Variants in PCDH11Y observed in about 807,000 individuals in gnomAD.
PCDH11Y encodes protocadherin 11 Y-linked.
For synonymous variants in PCDH11Y, 9 were observed against 83.6 expected, an observed-to-expected ratio of 0.11 and a Z score of 4.87; for missense variants, 12 against 224.8, an observed-to-expected ratio of 0.05 and a Z score of 6.05.
downstream of PCDH11Y, among the ~76,000 whole-genome samples, chrY:5,108,746 CA>C (rs1449970304): frequency 4.1e-4 from 1 of 2,413 alleles, no homozygotes; most frequent in Non-Finnish European, 8.5e-4. Flanking sequence ...GACTCCATCT[CA>C]AAAAAAAAAA....
chrY:5,022,636 AAG>A (rs2052571756), intron 1 of PCDH11Y, among the ~76,000 whole-genome samples: 2 of 31,189 alleles, frequency 6.4e-5, no homozygotes, highest in African/African-American at 1.3e-4. Flanking sequence ...AAAAAAAAAA[AAG>A]AGTTTATTAT....
At chrY:5,579,487 G>A (rs377121594) in intron 3 of PCDH11Y, among the ~76,000 whole-genome samples, 1 of 31,919 alleles carries the variant, frequency 3.1e-5, no homozygotes, top group Non-Finnish European at 7.7e-5. Flanking sequence ...CTAAACTATC[G>A]TTTTTAAATT....
At chrY:5,526,221 G>A in intron 3 of PCDH11Y, among the ~76,000 whole-genome samples, 1 of 32,356 alleles carries the variant, frequency 3.1e-5, no homozygotes, top group Non-Finnish European at 7.5e-5. Context: ...AAGAAGATTT[G>A]CAGTGCAAGC....
At chrY:5,360,608 G>C in intron 2 of PCDH11Y, among the ~76,000 whole-genome samples, 1 of 32,819 alleles carries the variant, frequency 3.0e-5, no homozygotes, top group African/African-American at 1.2e-4. Flanking sequence ...TCAATAATTG[G>C]TTTTCATTTG....
intron 2 of PCDH11Y, among the ~76,000 whole-genome samples, chrY:5,336,333 C>T (rs1602906608): frequency 8.4e-3 from 264 of 31,319 alleles, no homozygotes; most frequent in African/African-American, 0.03. Flanking sequence ...GTGCAGTGGC[C>T]GATCTCGGCT....
chrY:5,730,273 T>C, intron 4 of PCDH11Y, among the ~76,000 whole-genome samples: 1 of 32,919 alleles, frequency 3.0e-5, no homozygotes, highest in Non-Finnish European at 7.5e-5. Flanking sequence ...CTTTTTCATT[T>C]GTTTGTGTCA....
intron 2 of PCDH11Y, among the ~76,000 whole-genome samples, chrY:5,190,009 C>A (rs2052910432): frequency 3.0e-5 from 1 of 33,363 alleles, no homozygotes; most frequent in Non-Finnish European, 7.4e-5. Context: ...CTGTGTATCA[C>A]ACAATGTATT....
intron 1 of PCDH11Y, among the ~76,000 whole-genome samples, chrY:5,094,900 G>C (rs2124634480): frequency 1.8e-4 from 6 of 32,738 alleles, no homozygotes; most frequent in African/African-American, 7.1e-4. Context: ...TTGAGAGTTA[G>C]AAAAATATAT....
At chrY:5,064,640 T>A in intron 1 of PCDH11Y, among the ~76,000 whole-genome samples, 3 of 28,439 alleles carry the variant, frequency 1.1e-4, no homozygotes, top group African/African-American at 4.3e-4. Flanking sequence ...AAGAGGAAAG[T>A]ATTTATTTTA....
At chrY:5,411,477 CT>C (rs2053247467) in intron 2 of PCDH11Y, among the ~76,000 whole-genome samples, 1 of 31,963 alleles carries the variant, frequency 3.1e-5, no homozygotes, top group Non-Finnish European at 7.6e-5. Flanking sequence ...GTCGTAATTG[CT>C]TTTGATTTCT....
chrY:5,726,030 A>G, intron 4 of PCDH11Y, among the ~76,000 whole-genome samples: 1 of 32,500 alleles, frequency 3.1e-5, no homozygotes, highest in African/African-American at 1.2e-4. Flanking sequence ...TGCTGTAATA[A>G]AAAAGACAAA....
intron 2 of PCDH11Y, among the ~76,000 whole-genome samples, chrY:5,378,288 T>TACACAC (rs200306687): frequency 4.3e-5 from 1 of 23,348 alleles, no homozygotes; most frequent in Non-Finnish European, 9.7e-5. Context: ...AATAAATAAA[T>TACACAC]ACACACACAC....
chrY:5,599,540 ATT>A (rs2053470542), intron 4 of PCDH11Y, among the ~76,000 whole-genome samples: 1 of 33,340 alleles, frequency 3.0e-5, no homozygotes, highest in African/African-American at 1.2e-4. Flanking sequence ...CTCAATATAT[ATT>A]GGTTTCTCAT....
intron 2 of PCDH11Y, among the ~76,000 whole-genome samples, chrY:5,385,315 G>C: frequency 3.4e-5 from 1 of 29,253 alleles, no homozygotes; most frequent in East Asian, 9.1e-4. Flanking sequence ...CTTTCCCCCT[G>C]AGTCCCAAAG....
chrY:5,525,939 C>G (rs2053387221), intron 3 of PCDH11Y, among the ~76,000 whole-genome samples: 1 of 30,620 alleles, frequency 3.3e-5, no homozygotes, highest in South Asian at 7.6e-4. Flanking sequence ...GTCTCTCTCT[C>G]TCTCTGTGTG....
At position 5,084,812 on chromosome Y, in the gene PCDH11Y, A is replaced by G. The variant is rs2052726907; in HGVS notation, c.637-13403A>G. On this transcript the variant is annotated intron_variant, in intron 1 of 1. Coordinates refer to ENST00000215473, the Ensembl canonical transcript of PCDH11Y. ...TCTTGAAATTTACTCTGTTTGATAT[A>G]AGTATAGCTACACCTGCTCTTTTTT... Among the ~76,000 whole-genome samples, 6 of 33,073 alleles carry G rather than the reference A, an allele frequency of 1.8e-4. No homozygotes were observed. The East Asian group carries it at 4.7e-3, about 26-fold the overall frequency. 88.7% of individuals were successfully genotyped at this position (33,073 alleles called of 37,273 possible). A position where few individuals can be genotyped will look rare whatever the true frequency, so the allele number is the denominator to read the frequency against.
intron 2 of PCDH11Y, among the ~76,000 whole-genome samples, chrY:5,336,261 C>A: frequency 2.8e-4 from 9 of 32,129 alleles, no homozygotes; most frequent in Non-Finnish European, 5.3e-4. Context: ...GCTCATTTTT[C>A]TTTTATTTAT....
At chrY:5,555,322 G>C (rs2124694563) in intron 3 of PCDH11Y, among the ~76,000 whole-genome samples, 1 of 32,461 alleles carries the variant, frequency 3.1e-5, no homozygotes, top group East Asian at 8.3e-4. Context: ...ACACTCATAG[G>C]CAGAAGGGAC....
At chrY:5,207,613 C>A in intron 2 of PCDH11Y, 1 of 374,461 alleles carries the variant, frequency 2.7e-6, no homozygotes, top group Non-Finnish European at 3.8e-6. Flanking sequence ...CATCTGGTAG[C>A]CGGCCAGCCA....
Sources: gnomAD v4.1 joint callset for allele counts (sites outside exome capture counted in the v4.1 genomes callset) on GRCh38, gnomAD v4.1.1 for gene constraint, MANE v1.5 for transcripts, NCBI Gene and HGNC (gene_info 2026-07-23, HGNC 2026-07-21) for gene names.